BMP2K: variants seen among roughly 807,000 people sequenced by gnomAD.
The protein encoded by BMP2K is BMP-2-inducible protein kinase.
A neutral mutation model predicts 116.0 loss-of-function variants in BMP2K; 74 were observed. That is an observed-to-expected ratio of 0.64 (90% CI 0.53 to 0.77). The LOEUF is 0.77. BMP2K is among the 30% of genes least tolerant of loss of function. The pLI, the probability that BMP2K is intolerant of heterozygous loss-of-function variation, is 0.00. For missense variants in BMP2K, 1,365 were observed against 1,403.6 expected, an observed-to-expected ratio of 0.97 and a Z score of 0.44; for synonymous variants, 486 against 502.5, an observed-to-expected ratio of 0.97 and a Z score of 0.44.
intron 5 of BMP2K, among the ~76,000 whole-genome samples, chr4:78,845,928 GATT>G (rs1387980927): frequency 6.6e-6 from 1 of 151,572 alleles, no homozygotes; most frequent in Admixed American, 6.6e-5. Context: ...AGCCTATGAT[GATT>G]ATGTTAGATT....
chr4:78,899,466 A>G (rs1013398176), intron 15 of BMP2K, among the ~76,000 whole-genome samples: 1 of 152,160 alleles, frequency 6.6e-6, no homozygotes, highest in African/African-American at 2.4e-5. Flanking sequence ...CAAGACAGAA[A>G]TCTTGGCCAT....
intron 1 of BMP2K, among the ~76,000 whole-genome samples, chr4:78,824,869 A>G (rs1729793530): frequency 6.6e-6 from 1 of 152,232 alleles, no homozygotes; most frequent in Non-Finnish European, 1.5e-5. Flanking sequence ...TAGAATACCT[A>G]CCTAGTGCTT....
At chr4:78,802,432 A>T (rs2109957356) in intron 1 of BMP2K, among the ~76,000 whole-genome samples, 1 of 152,370 alleles carries the variant, frequency 6.6e-6, no homozygotes, top group South Asian at 2.1e-4. Flanking sequence ...TTCTAGGAGC[A>T]GAAATTGCAA....
At chr4:78,869,269 A>G (rs1732213565) in intron 10 of BMP2K, among the ~76,000 whole-genome samples, 1 of 151,248 alleles carries the variant, frequency 6.6e-6, no homozygotes, top group Non-Finnish European at 1.5e-5. Context: ...CCTGAGCTCT[A>G]CGTTGGCCCC....
chr4:78,874,605 C>T (rs1232090107), intron 13 of BMP2K, among the ~76,000 whole-genome samples: 2 of 152,154 alleles, frequency 1.3e-5, no homozygotes, highest in Admixed American at 1.3e-4. Context: ...TAACTGTCTT[C>T]TCTGACGTAG....
In BMP2K at chr4:78,802,952, C is replaced by T. The variant is rs115197600; in HGVS notation, c.179-23085C>T. On this transcript the variant is annotated intron_variant, in intron 1 of 15. Coordinates refer to ENST00000502613, the MANE Select transcript of BMP2K (RefSeq NM_198892.2). Reference sequence around the variant, plus strand: ...GCAACCTCCGCCTCCCAGGTTTATGCAGTTCTCCTGCCTCAGCTTTCCAAG... The same window carrying T: ...GCAACCTCCGCCTCCCAGGTTTATGTAGTTCTCCTGCCTCAGCTTTCCAAG... Among the ~76,000 whole-genome samples, 940 of 152,114 alleles carry T rather than the reference C, an allele frequency of 6.2e-3. 13 individuals are homozygous for T. Among genetic ancestry groups the T allele is most frequent in the African/African-American group, 0.022 (894 of 41,506 alleles).
intron 13 of BMP2K, among the ~76,000 whole-genome samples, chr4:78,875,223 C>T (rs901650577): frequency 2.0e-5 from 3 of 152,076 alleles, no homozygotes; most frequent in Non-Finnish European, 4.4e-5. Context: ...ACTAATGTTC[C>T]TGCTTATGAC....
intron 1 of BMP2K, among the ~76,000 whole-genome samples, chr4:78,810,315 C>T (rs1011762001): frequency 6.6e-6 from 1 of 152,190 alleles, no homozygotes; most frequent in East Asian, 1.9e-4. Flanking sequence ...TGGGCGTGCA[C>T]ACTCTACCAT....
chr4:78,844,164 A>G (rs1481834146), intron 4 of BMP2K, among the ~76,000 whole-genome samples: 1 of 151,762 alleles, frequency 6.6e-6, no homozygotes, highest in East Asian at 1.9e-4. Context: ...CACTTTACAT[A>G]TTTTAACTCA....
At chr4:78,818,595 A>T (rs1056129511) in intron 1 of BMP2K, among the ~76,000 whole-genome samples, 1 of 152,172 alleles carries the variant, frequency 6.6e-6, no homozygotes, top group African/African-American at 2.4e-5. Flanking sequence ...AGCTGATTTT[A>T]GGTTTGAATA....
chr4:78,855,158 CA>C (rs1264768428), intron 7 of BMP2K, among the ~76,000 whole-genome samples: 2 of 152,068 alleles, frequency 1.3e-5, no homozygotes, highest in African/African-American at 4.8e-5. Flanking sequence ...AATTTAGTTT[CA>C]TTTCAGCACC....
At chr4:78,829,787 T>TTTCTCTTTTCTCTTTTCTCTTCTC (rs779356800) in intron 2 of BMP2K, among the ~76,000 whole-genome samples, 2 of 86,594 alleles carry the variant, frequency 2.3e-5, no homozygotes, top group South Asian at 4.6e-4. Context: ...TTTCTTTTCT[T>TTTCTCTTTTCTCTTTTCTCTTCTC]TTCTCTTCTC....
At chr4:78,872,581 C>A in intron 12 of BMP2K, 33 bp from the exon 13 acceptor site, 1 of 1,595,276 alleles carries the variant, frequency 6.3e-7, no homozygotes, top group Non-Finnish European at 8.6e-7. Flanking sequence ...AGGACTGGAG[C>A]ATTGTTTTGT....
intron 5 of BMP2K, 89 bp from the exon 6 acceptor site, chr4:78,847,099 G>A: frequency 7.2e-6 from 5 of 695,842 alleles, no homozygotes; most frequent in Non-Finnish European, 1.0e-5. Flanking sequence ...GACTTTTTTT[G>A]TAGTGTTTTA....
intron 5 of BMP2K, 97 bp from the exon 6 acceptor site, chr4:78,847,091 C>A (rs910505265): frequency 4.7e-6 from 3 of 639,838 alleles, no homozygotes; most frequent in East Asian, 3.9e-5. Context: ...ACCTAAAAGA[C>A]TTTTTTTGTA....
intron 1 of BMP2K, among the ~76,000 whole-genome samples, chr4:78,777,160 G>T (rs1382449899): frequency 6.6e-6 from 1 of 152,058 alleles, no homozygotes; most frequent in Non-Finnish European, 1.5e-5. Context: ...GCAGCCCCTG[G>T]TGTCAAGCTG....
At chr4:78,777,499 A>C (rs946813751) in intron 1 of BMP2K, among the ~76,000 whole-genome samples, 1 of 152,238 alleles carries the variant, frequency 6.6e-6, no homozygotes, top group South Asian at 2.1e-4. Flanking sequence ...AGTTTACTCC[A>C]TTTTAAAAGA....
chr4:78,792,058 A>G (rs1728028524), intron 1 of BMP2K, among the ~76,000 whole-genome samples: 1 of 152,220 alleles, frequency 6.6e-6, no homozygotes, highest in Non-Finnish European at 1.5e-5. Context: ...TTACATTCCC[A>G]ACAGCATTGC....
In BMP2K at chr4:78,913,384, A is replaced by G. The variant is rs578247518; in HGVS notation, c.*1351A>G. ...ATTAGAAACTTGAGGTTTTATAGAAATCATTTAATGATAGAGATTACATAT... is the reference window on the plus strand; with the variant it reads ...ATTAGAAACTTGAGGTTTTATAGAAGTCATTTAATGATAGAGATTACATAT... On this transcript the variant is annotated 3_prime_UTR_variant, in exon 16 of 16. Coordinates refer to ENST00000502613, the MANE Select transcript of BMP2K (RefSeq NM_198892.2). 7 of 152,294 alleles carry G rather than the reference A, an allele frequency of 4.6e-5. No homozygotes were observed. In the South Asian group the frequency reaches 1.4e-3, roughly 32 times the overall value. 9.4% of individuals were successfully genotyped at this position (152,294 alleles called of 1,614,324 possible).
Sources: allele counts gnomAD v4.1 joint callset (sites outside exome capture counted in the v4.1 genomes callset), GRCh38; gene constraint gnomAD v4.1.1; transcripts MANE v1.5; gene names NCBI Gene and HGNC (gene_info 2026-07-23, HGNC 2026-07-21).